Variants in OXSR1 observed in about 807,000 individuals in gnomAD.
OXSR1 encodes oxidative stress responsive kinase 1, also known as serine/threonine-protein kinase OSR1.
In OXSR1, 24 loss-of-function variants were observed where a neutral mutation model predicts 79.8. The ratio of observed to expected loss-of-function variants is 0.30; its 90% confidence interval spans 0.22 to 0.42. OXSR1 has a LOEUF of 0.42. OXSR1 is among the 10% of genes least tolerant of loss of function. The probability of loss-of-function intolerance (pLI) is 1.00; values close to 1 mark genes in which losing one functional copy is unlikely to be tolerated. For missense variants in OXSR1, 430 were observed against 618.4 expected (o/e 0.70, Z 3.23); for synonymous variants, 226 against 209.2 (o/e 1.08, Z -0.69).
chr3:38,200,143 CT>C (rs1303032340), intron 4 of OXSR1, among the ~76,000 whole-genome samples: 5 of 152,270 alleles, frequency 3.3e-5, no homozygotes, highest in African/African-American at 1.2e-4. Context: ...ATTGGCACTG[CT>C]CGTTAGGCAT....
At chr3:38,220,416 C>T (rs1323673110) in intron 5 of OXSR1, among the ~76,000 whole-genome samples, 2 of 151,780 alleles carry the variant, frequency 1.3e-5, no homozygotes, top group African/African-American at 4.8e-5. Context: ...AAATTATGGA[C>T]AAATACAGAC....
chr3:38,183,131 A>G lies in OXSR1; in HGVS notation c.183+16A>G, dbSNP rs1218604154. The stretch of plus-strand genomic sequence containing the variant: ...TGAACTCCTGGTATGCACATCTTAT[A>G]CTTCTGAAATGGAGAGATATACTCA... On this transcript the variant is annotated intron_variant, in intron 2 of 17. Coordinates refer to ENST00000311806, the MANE Select transcript of OXSR1 (RefSeq NM_005109.3). The G allele has an allele frequency of 2.9e-6, 4 of 1,360,306 alleles. No homozygotes were observed. Among genetic ancestry groups the G allele is most frequent in the Admixed American group, 3.5e-5 (2 of 57,350 alleles). The allele number at this position is 1,360,306 out of a possible 1,614,324, so 84.3% of individuals were successfully genotyped here. A position where few individuals can be genotyped will look rare whatever the true frequency, so the allele number is the denominator to read the frequency against.
chr3:38,247,607 A>G (rs113138676), intron 13 of OXSR1, 61 bp from the exon 14 acceptor site: 1 of 1,199,378 alleles, frequency 8.3e-7, no homozygotes, highest in African/African-American at 1.5e-5. Flanking sequence ...GCCAGTGACC[A>G]TTAGTCACCT....
chr3:38,212,924 C>T (rs1023663143), intron 4 of OXSR1, among the ~76,000 whole-genome samples: 1 of 152,252 alleles, frequency 6.6e-6, no homozygotes, highest in East Asian at 1.9e-4. Context: ...TGAGGGCAGA[C>T]TGTGGTGTTT....
At chr3:38,233,534 A>G (rs939995598) in intron 10 of OXSR1, among the ~76,000 whole-genome samples, 1 of 152,166 alleles carries the variant, frequency 6.6e-6, no homozygotes, top group Non-Finnish European at 1.5e-5. Flanking sequence ...TAGAGGTCAA[A>G]ATAAACAGAA....
rs1703310524 is a variant in OXSR1 at position 38,253,967 on chromosome 3, T to C, written c.*1076T>C. On this transcript the variant is annotated 3_prime_UTR_variant, in exon 18 of 18. Coordinates refer to ENST00000311806, the MANE Select transcript of OXSR1 (RefSeq NM_005109.3). Reference sequence around the variant, plus strand: ...CATGTGCCGTGACCTTTAGGTTTTATGAGTAGACAGTGTTCATTTGATTTT... The same window carrying C: ...CATGTGCCGTGACCTTTAGGTTTTACGAGTAGACAGTGTTCATTTGATTTT... The C allele has an allele frequency of 5.3e-6, 2 of 377,642 alleles. No individual in the cohort carries two copies. Among genetic ancestry groups the C allele is most frequent in the East Asian group, 7.5e-5 (2 of 26,756 alleles). The allele number at this position is 377,642 out of a possible 1,614,324, so 23.4% of individuals were successfully genotyped here.
intron 4 of OXSR1, 118 bp downstream of exon 4, chr3:38,198,981 CTG>C (rs1702115051): frequency 3.8e-6 from 3 of 781,844 alleles, no homozygotes; most frequent in African/African-American, 1.7e-5. Context: ...TTTTAGTACA[CTG>C]TGGTTAGAGT....
chr3:38,245,971 A>G (rs1703133074), intron 12 of OXSR1, 104 bp from the exon 13 acceptor site: 1 of 1,036,592 alleles, frequency 9.6e-7, no homozygotes. Context: ...ACACTACCCA[A>G]AAACTACTTT....
At chr3:38,215,159 T>G (rs1251045196) in intron 4 of OXSR1, among the ~76,000 whole-genome samples, 1 of 152,194 alleles carries the variant, frequency 6.6e-6, no homozygotes, top group African/African-American at 2.4e-5. Flanking sequence ...TGTCATGAAA[T>G]GCACTGGTCT....
At chr3:38,222,912 A>C (rs1702617203) in intron 6 of OXSR1, among the ~76,000 whole-genome samples, 1 of 152,194 alleles carries the variant, frequency 6.6e-6, no homozygotes, top group Non-Finnish European at 1.5e-5. Flanking sequence ...GTTTTATCAC[A>C]AATGTTTTTT....
intron 9 of OXSR1, 26 bp downstream of exon 9, chr3:38,229,761 G>A (rs1294478337): frequency 6.3e-7 from 1 of 1,574,862 alleles, no homozygotes. Context: ...TTTTGATTAT[G>A]TGTGTTCATA....
chr3:38,213,727 A>G (rs1702431118), intron 4 of OXSR1, among the ~76,000 whole-genome samples: 1 of 152,202 alleles, frequency 6.6e-6, no homozygotes, highest in Non-Finnish European at 1.5e-5. Context: ...AACATAAACT[A>G]TTAAGTCTTC....
chr3:38,180,745 G>A (rs1368899652), intron 1 of OXSR1, among the ~76,000 whole-genome samples: 1 of 151,736 alleles, frequency 6.6e-6, no homozygotes, highest in Admixed American at 6.6e-5. Context: ...TGTCGCCCAG[G>A]CTGGTCTTGA....
chr3:38,170,376 G>C (rs1701555296), intron 1 of OXSR1, among the ~76,000 whole-genome samples: 1 of 152,040 alleles, frequency 6.6e-6, no homozygotes, highest in Non-Finnish European at 1.5e-5. Flanking sequence ...GTCTTTTAAA[G>C]TACAAAAGTT....
intron 1 of OXSR1, among the ~76,000 whole-genome samples, chr3:38,178,502 G>A (rs999478027): frequency 7.3e-5 from 11 of 150,414 alleles, no homozygotes; most frequent in Non-Finnish European, 1.5e-4. Context: ...GTGGTGGGGT[G>A]GTCTCGGCTC....
At chr3:38,173,083 C>G (rs1559498789) in intron 1 of OXSR1, among the ~76,000 whole-genome samples, 1 of 152,192 alleles carries the variant, frequency 6.6e-6, no homozygotes, top group Non-Finnish European at 1.5e-5. Flanking sequence ...TCCTAGATGC[C>G]TTACTCAGTG....
At chr3:38,238,578 T>C (rs529999161) in intron 11 of OXSR1, among the ~76,000 whole-genome samples, 1 of 152,250 alleles carries the variant, frequency 6.6e-6, no homozygotes, top group South Asian at 2.1e-4. Context: ...GTTTGTAGGG[T>C]ATAGAATTCC....
chr3:38,208,603 A>T (rs1702315754), intron 4 of OXSR1, among the ~76,000 whole-genome samples: 2 of 152,180 alleles, frequency 1.3e-5, no homozygotes, highest in South Asian at 2.1e-4. Context: ...TGGAGTTTTT[A>T]AAAATGCTGA....
intron 16 of OXSR1, 102 bp from the exon 17 acceptor site, chr3:38,252,226 T>G: frequency 1.2e-6 from 1 of 811,174 alleles, no homozygotes. Context: ...ATTTTGATTG[T>G]ACGGAGCATA....
Sources: allele counts gnomAD v4.1 joint callset (sites outside exome capture counted in the v4.1 genomes callset), GRCh38; gene constraint gnomAD v4.1.1; transcripts MANE v1.5; gene names NCBI Gene and HGNC (gene_info 2026-07-23, HGNC 2026-07-21).